The following PCDHGB5 variants were observed in gnomAD, a reference collection of about 807,000 sequenced individuals.
PCDHGB5 encodes protocadherin gamma-B5.
A neutral mutation model predicts 62.9 loss-of-function variants in PCDHGB5; 48 were observed. That is an observed-to-expected ratio of 0.76 (90% confidence interval 0.61 to 0.97). The LOEUF (loss-of-function observed/expected upper bound fraction) is 0.97, where lower values mean the gene tolerates loss of function less well. PCDHGB5 is among the 50% of genes least tolerant of loss of function. The pLI is 0.00. For synonymous variants in PCDHGB5, 474 were observed against 511.2 expected (o/e 0.93, Z 0.98); for missense variants, 1,118 against 1,198.6 (o/e 0.93, Z 0.99).
chr5:141,504,379 G>A lies in PCDHGB5; in HGVS notation c.2457-1014G>A, dbSNP rs181617363. On this transcript the variant is annotated intron_variant, in intron 2 of 3. Transcript: ENST00000617380. ...GCTTCAGTAGGAAGCAGGTGGAGTC[G>A]CTGCCTCACAGAAGCCAGTGTGGTG... Among the ~76,000 whole-genome samples the A allele has an allele frequency of 2.4e-3, 361 of 152,206 alleles. 1 individual carries two copies. The highest frequency in any genetic ancestry group is 0.021 in the Admixed American group (315 of 15,286).
chr5:141,495,005 C>T (rs555909709), intron 2 of PCDHGB5, 140 bp downstream of exon 2: 1,141 of 1,522,692 alleles, frequency 7.5e-4, no homozygotes, highest in Non-Finnish European at 8.4e-4. Context: ...TCTTGGTGTG[C>T]GGGGGGCTGG....
At position 141,399,529 on chromosome 5, in the gene PCDHGB5, G is replaced by A. The variant is rs946281582; in HGVS notation, c.1402G>A (p.Ala468Thr). 5 of 1,613,892 alleles carry A rather than the reference G, an allele frequency of 3.1e-6. No homozygotes were observed. Among genetic ancestry groups the A allele is most frequent in the Non-Finnish European group, 4.2e-6 (5 of 1,179,902 alleles). Reference sequence around the variant, plus strand: ...AAACAACCCTCCTGGGGCCTCCATCGCGCAAGTCTGCGCCTCGGACCTGGA... The same window carrying A: ...AAACAACCCTCCTGGGGCCTCCATCACGCAAGTCTGCGCCTCGGACCTGGA... Reference protein sequence around the residue: ...PENNPPGASIAQVCASDLDLG... With the variant: ...PENNPPGASITQVCASDLDLG... Residue 468 changes from alanine (A) to threonine (T), a missense_variant, in exon 1 of 4, where the codon GCG becomes ACG. Ala to Thr is a moderately conservative substitution (Grantham distance 58). Around this residue, in one of 2 missense-constraint regions of PCDHGB5, gnomAD observed 1,034 missense variants for 1,029.1 expected, o/e 1.00. Coordinates refer to ENST00000617380, the MANE Select transcript of PCDHGB5 (RefSeq NM_018925.3).
At position 141,476,043 on chromosome 5, in the gene PCDHGB5, A is replaced by T. The variant is rs2099384502; in HGVS notation, c.2398-18764A>T. 1 of 1,492,156 alleles carries T rather than the reference A, an allele frequency of 6.7e-7. No individual in the cohort carries two copies. Among genetic ancestry groups the T allele is most frequent in the African/African-American group, 1.4e-5 (1 of 71,628 alleles). The allele number at this position is 1,492,156 out of a possible 1,614,324, so 92.4% of individuals were successfully genotyped here. On this transcript the variant is annotated intron_variant, in intron 1 of 3. Coordinates refer to ENST00000617380, the MANE Select transcript of PCDHGB5 (RefSeq NM_018925.3). The surrounding 1 kb of genome is among the most constrained non-coding windows in gnomAD (Gnocchi z 7.6). ...ACTCGGCGCCCAGCGCCCAAGCGCT[A>T]ACCCGCTGAAAGTTTCTCAGCGAAA...
At chr5:141,450,509 G>A (rs2098683055) in intron 1 of PCDHGB5, among the ~76,000 whole-genome samples, 1 of 151,878 alleles carries the variant, frequency 6.6e-6, no homozygotes, top group African/African-American at 2.4e-5. Flanking sequence ...GTTTTGAGAT[G>A]GAGTCTCATT....
intron 1 of PCDHGB5, among the ~76,000 whole-genome samples, chr5:141,425,219 G>T (rs779272038): frequency 2.0e-5 from 3 of 152,148 alleles, no homozygotes; most frequent in Non-Finnish European, 2.9e-5. Context: ...ATTGTACTTT[G>T]ACTGGAATTA....
chr5:141,482,763 T>TGC (rs2099571981), intron 1 of PCDHGB5, among the ~76,000 whole-genome samples: 1 of 127,550 alleles, frequency 7.8e-6, no homozygotes, highest in African/African-American at 3.6e-5. Flanking sequence ...GGTATTTCAT[T>TGC]ATCACTGAAC....
At chr5:141,408,623 G>C in intron 1 of PCDHGB5, 1 of 1,614,004 alleles carries the variant, frequency 6.2e-7, no homozygotes, top group Non-Finnish European at 8.5e-7. Flanking sequence ...AATACATTTA[G>C]AAATTTTCGA....
Position 141,490,151 on chromosome 5 carries a change from T to A in PCDHGB5, c.2398-4656T>A, listed in dbSNP as rs1449636059. 6.2e-6 allele frequency: 10 copies of A among 1,614,210 alleles called. No homozygotes were observed. The highest frequency in any genetic ancestry group is 8.5e-6 in the Non-Finnish European group (10 of 1,180,018). On this transcript the variant is annotated intron_variant, in intron 1 of 3. Transcript: ENST00000617380. This position sits in a 1 kb window ranked among gnomAD's most constrained non-coding sequence, Gnocchi z 5.4. ...GACCCTAGCAGTGGGGCAATCCATG[T>A]GTTGGGTCCCATAGACTTTGAGGAG... is the stretch of plus-strand genomic sequence containing the variant.
chr5:141,435,882 C>G (rs780080571), intron 1 of PCDHGB5, among the ~76,000 whole-genome samples: 1 of 152,060 alleles, frequency 6.6e-6, no homozygotes, highest in African/African-American at 2.4e-5. Context: ...AGATTGGAAA[C>G]CCCTTAGAGA....
chr5:141,491,685 G>A lies in PCDHGB5; in HGVS notation c.2398-3122G>A. 1 of 1,613,164 alleles carries A rather than the reference G, an allele frequency of 6.2e-7. No individual in the cohort carries two copies. The highest frequency in any genetic ancestry group is 8.5e-7 in the Non-Finnish European group (1 of 1,179,646). On this transcript the variant is annotated intron_variant, in intron 1 of 3. Transcript: ENST00000617380. The surrounding 1 kb of genome is among the most constrained non-coding windows in gnomAD (Gnocchi z 6.9). ...CCATCCGGTCCCGCTCTAATACGCTGCGGGAGCGGAGCCAGGTGAGGGGCT... is the reference window on the plus strand; with the variant it reads ...CCATCCGGTCCCGCTCTAATACGCTACGGGAGCGGAGCCAGGTGAGGGGCT...
At chr5:141,498,089 A>G (rs1402239680) in intron 2 of PCDHGB5, among the ~76,000 whole-genome samples, 3 of 152,370 alleles carry the variant, frequency 2.0e-5, no homozygotes, top group South Asian at 2.1e-4. Context: ...GTAGAATTGT[A>G]TCTGGTGGTG....
At chr5:141,446,365 G>T (rs2098499873) in intron 1 of PCDHGB5, among the ~76,000 whole-genome samples, 1 of 152,194 alleles carries the variant, frequency 6.6e-6, no homozygotes, top group Non-Finnish European at 1.5e-5. Flanking sequence ...GATGAGAATG[G>T]AAGACTAAAG....
rs1431906047 is a variant in PCDHGB5, at chr5:141,485,858, C to T, written c.2398-8949C>T. On this transcript the variant is annotated intron_variant, in intron 1 of 3. Transcript: ENST00000617380. This position sits in a 1 kb window ranked among gnomAD's most constrained non-coding sequence, Gnocchi z 5.7. ...GCCGAGATCTGGCACCGCAGAGCTC[C>T]GGGTATCCGTGCTGGACGTAAACGA... The T allele has an allele frequency of 1.9e-6, 3 of 1,614,162 alleles. No individual in the cohort carries two copies. The highest frequency in any genetic ancestry group is 2.5e-6 in the Non-Finnish European group (3 of 1,180,028).
rs1470207042 is a variant in PCDHGB5 at position 141,398,283 on chromosome 5, G to A, written c.156G>A (p.Thr52=). The change falls in exon 1 of 4, where the codon ACG becomes ACA. Residue 52 remains threonine (T), a synonymous_variant. Coordinates refer to ENST00000617380, the MANE Select transcript of PCDHGB5 (RefSeq NM_018925.3). Reference sequence around the variant, plus strand: ...GCTCCGTAGTGGGGAACCTCGCCACGGACCTGGGGTTCAGCGTCCAGGAGT... The same window carrying A: ...GCTCCGTAGTGGGGAACCTCGCCACAGACCTGGGGTTCAGCGTCCAGGAGT... ...PKGSVVGNLA[T]DLGFSVQELP... 7.2e-7 allele frequency: 1 copy of A among 1,396,846 alleles called. No homozygotes were observed. The highest frequency in any genetic ancestry group is 2.5e-5 in the East Asian group (1 of 40,352). 86.5% of individuals were successfully genotyped at this position (1,396,846 alleles called of 1,614,324 possible).
chr5:141,399,911 G>A lies in PCDHGB5; in HGVS notation c.1784G>A (p.Gly595Glu). Reference protein sequence around the residue: ...TKVVAVDADSGHNAWLSYHVL... With the variant: ...TKVVAVDADSEHNAWLSYHVL... Reference sequence around the variant, plus strand: ...GTAGTGGCCGTGGACGCAGACTCAGGACACAACGCCTGGCTGTCCTACCAC... The same window carrying A: ...GTAGTGGCCGTGGACGCAGACTCAGAACACAACGCCTGGCTGTCCTACCAC... Residue 595 changes from glycine (G) to glutamate (E), a missense_variant, in exon 1 of 4, where the codon GGA becomes GAA. Coordinates refer to ENST00000617380, the MANE Select transcript of PCDHGB5 (RefSeq NM_018925.3). The A allele has an allele frequency of 6.2e-7, 1 of 1,612,384 alleles. No individual in the cohort carries two copies. Among genetic ancestry groups the A allele is most frequent in the Non-Finnish European group, 8.5e-7 (1 of 1,179,740 alleles).
intron 1 of PCDHGB5, chr5:141,422,697 C>T (rs1406213402): frequency 3.7e-6 from 6 of 1,603,284 alleles, no homozygotes; most frequent in South Asian, 1.1e-5. Flanking sequence ...TGGTCACTTA[C>T]TCTCTGACGG....
intron 1 of PCDHGB5, 82 bp from the exon 2 acceptor site, chr5:141,494,725 C>G: frequency 6.2e-7 from 1 of 1,610,026 alleles, no homozygotes; most frequent in East Asian, 2.2e-5. Flanking sequence ...CCCTCCTTCT[C>G]TCCCGGCCCA....
chr5:141,409,919 G>C (rs774277848), intron 1 of PCDHGB5: 1 of 1,613,346 alleles, frequency 6.2e-7, no homozygotes, highest in South Asian at 1.1e-5. Flanking sequence ...TGACGGCTCC[G>C]CGTTCTTCGA....
chr5:141,497,812 T>C (rs947015544), intron 2 of PCDHGB5, among the ~76,000 whole-genome samples: 2 of 152,202 alleles, frequency 1.3e-5, no homozygotes, highest in African/African-American at 4.8e-5. Flanking sequence ...AGTGCTAGAA[T>C]TACAGGTGTG....
Sources: allele counts gnomAD v4.1 joint callset (sites outside exome capture counted in the v4.1 genomes callset), GRCh38; gene constraint gnomAD v4.1.1; regional missense constraint gnomAD v4.1.1; non-coding constraint Gnocchi (gnomAD v3.1); transcripts MANE v1.5; gene names NCBI Gene and HGNC (gene_info 2026-07-23, HGNC 2026-07-21).